Variants in CAMTA1 observed in about 807,000 individuals in gnomAD.
CAMTA1 encodes the protein calmodulin binding transcription activator 1, also known as calmodulin-binding transcription activator 1.
A neutral mutation model predicts 170.9 loss-of-function variants in CAMTA1; 27 were observed. The ratio of observed to expected loss-of-function variants is 0.16; its 90% CI spans 0.12 to 0.22. The LOEUF (loss-of-function observed/expected upper bound fraction) is 0.22, where lower values mean the gene tolerates loss of function less well. Ranked by LOEUF, CAMTA1 falls within the 10% of genes least tolerant of loss-of-function variation. The pLI, the probability that CAMTA1 is intolerant of heterozygous loss-of-function variation, is 1.00. For synonymous variants in CAMTA1, 833 were observed against 891.5 expected (o/e 0.93, Z 1.17); for missense variants, 1,619 against 2,217.2 (o/e 0.73, Z 5.42).
chr1:7,600,418 C>T (rs2095431015), intron 6 of CAMTA1, among the ~76,000 whole-genome samples: 1 of 151,812 alleles, frequency 6.6e-6, no homozygotes, highest in African/African-American at 2.4e-5. Context: ...TGTTGTGTCT[C>T]TGCCAGGCTT....
intron 3 of CAMTA1, among the ~76,000 whole-genome samples, chr1:7,003,292 G>A (rs79287050): frequency 0.017 from 2,589 of 152,326 alleles, 35 homozygotes; most frequent in African/African-American, 0.036. Context: ...GCAGTTTCTG[G>A]GTGTGCCTTC....
intron 5 of CAMTA1, among the ~76,000 whole-genome samples, chr1:7,398,187 CTCTCTCTATATATA>C (rs1304228376): frequency 4.7e-4 from 18 of 38,220 alleles, no homozygotes; most frequent in Admixed American, 1.5e-3. Flanking sequence ...CTCTCTCTCT[CTCTCTCTATATATA>C]TATATATATA....
intron 4 of CAMTA1, among the ~76,000 whole-genome samples, chr1:7,220,206 G>T (rs1485923359): frequency 6.6e-6 from 1 of 152,208 alleles, no homozygotes; most frequent in African/African-American, 2.4e-5. Flanking sequence ...ACTCATTGCA[G>T]GGGGTCAAGA....
intron 3 of CAMTA1, among the ~76,000 whole-genome samples, chr1:6,894,723 G>A (rs1295832622): frequency 6.6e-6 from 1 of 152,212 alleles, no homozygotes; most frequent in African/African-American, 2.4e-5. Flanking sequence ...TGAATAAAGT[G>A]AAAACATCAC....
intron 6 of CAMTA1, among the ~76,000 whole-genome samples, chr1:7,586,058 G>T (rs540293624): frequency 4.6e-4 from 70 of 152,178 alleles, no homozygotes; most frequent in African/African-American, 1.5e-3. Context: ...AACAGACAAG[G>T]TGGTGAGAAC....
intron 3 of CAMTA1, among the ~76,000 whole-genome samples, chr1:7,077,914 T>C (rs1039178549): frequency 2.0e-5 from 3 of 152,138 alleles, no homozygotes; most frequent in African/African-American, 4.8e-5. Flanking sequence ...TATTGGTTAA[T>C]GTTCTAAAGC....
intron 6 of CAMTA1, among the ~76,000 whole-genome samples, chr1:7,501,374 G>A (rs1267752852): frequency 6.6e-6 from 1 of 152,162 alleles, no homozygotes; most frequent in African/African-American, 2.4e-5. Context: ...GACCAGATGT[G>A]CCCTCACAGC....
At chr1:6,834,028 A>G (rs1651723168) in intron 3 of CAMTA1, among the ~76,000 whole-genome samples, 1 of 152,090 alleles carries the variant, frequency 6.6e-6, no homozygotes, top group Non-Finnish European at 1.5e-5. Flanking sequence ...CTTGGGTCTT[A>G]GGTGATGGCG....
chr1:7,188,330 AC>A (rs1434003628), intron 4 of CAMTA1, among the ~76,000 whole-genome samples: 1 of 152,220 alleles, frequency 6.6e-6, no homozygotes, highest in African/African-American at 2.4e-5. Context: ...CATAACATTT[AC>A]CACTTTAACC....
At chr1:7,597,747 A>G (rs1435997253) in intron 6 of CAMTA1, among the ~76,000 whole-genome samples, 4 of 152,114 alleles carry the variant, frequency 2.6e-5, no homozygotes, top group Admixed American at 2.6e-4. Context: ...AAGACCTTCA[A>G]TGATTGATTG....
chr1:6,863,472 C>A (rs1665502741), intron 3 of CAMTA1, among the ~76,000 whole-genome samples: 1 of 152,206 alleles, frequency 6.6e-6, no homozygotes, highest in Admixed American at 6.5e-5. Flanking sequence ...CACTCCAGAG[C>A]TGCCTCCTTG....
At chr1:7,538,593 T>C (rs374245022) in intron 6 of CAMTA1, among the ~76,000 whole-genome samples, 4 of 152,334 alleles carry the variant, frequency 2.6e-5, no homozygotes, top group African/African-American at 9.6e-5. Context: ...GAGGCGGCAG[T>C]GAGCCATGAT....
At chr1:7,745,792 G>A in intron 17 of CAMTA1, 53 bp from the exon 18 acceptor site, 2 of 1,606,718 alleles carry the variant, frequency 1.2e-6, no homozygotes, top group Non-Finnish European at 1.7e-6. Context: ...ATATCTAATG[G>A]GTGGTGCAAA....
chr1:7,473,412 C>A (rs114040936), intron 6 of CAMTA1, among the ~76,000 whole-genome samples: 1,633 of 152,284 alleles, frequency 0.011, 31 homozygotes, highest in African/African-American at 0.037. Flanking sequence ...TCGGGGCTCC[C>A]CCAAGGAGGA....
intron 5 of CAMTA1, among the ~76,000 whole-genome samples, chr1:7,326,934 C>T (rs553183694): frequency 1.3e-5 from 2 of 152,144 alleles, no homozygotes; most frequent in East Asian, 3.9e-4. Flanking sequence ...GGAAGGACCC[C>T]TCAGGAGAAG....
chr1:7,522,562 C>G (rs1238187286), intron 6 of CAMTA1, among the ~76,000 whole-genome samples: 1 of 152,166 alleles, frequency 6.6e-6, no homozygotes, highest in Admixed American at 6.5e-5. Flanking sequence ...TTGCCCAGTC[C>G]TAGATCCCAA....
At chr1:7,343,882 C>T (rs1035455469) in intron 5 of CAMTA1, among the ~76,000 whole-genome samples, 2 of 152,212 alleles carry the variant, frequency 1.3e-5, no homozygotes, top group Admixed American at 6.5e-5. Context: ...TAGAGTTCAT[C>T]AATTTTCGCA....
rs1327510997 is a variant in CAMTA1 at position 7,299,767 on chromosome 1, G to A, written c.438+50141G>A. On this transcript the variant is annotated intron_variant, in intron 5 of 22. Coordinates refer to ENST00000303635, the MANE Select transcript of CAMTA1 (RefSeq NM_015215.4). This position sits in a 1 kb window ranked among gnomAD's most constrained non-coding sequence, Gnocchi z 4.7. ...ACCCCTCACTGAGACAGGATTTCTAGCCCCTCTCTTTGGTTTGTGTCATTT... is the reference window on the plus strand; with the variant it reads ...ACCCCTCACTGAGACAGGATTTCTAACCCCTCTCTTTGGTTTGTGTCATTT... Among the ~76,000 whole-genome samples, 1 of 152,162 alleles carries A rather than the reference G, an allele frequency of 6.6e-6. No homozygotes were observed. Among genetic ancestry groups the A allele is most frequent in the Non-Finnish European group, 1.5e-5 (1 of 68,026 alleles).
chr1:7,045,418 G>T (rs1451387265), intron 3 of CAMTA1, among the ~76,000 whole-genome samples: 1 of 152,122 alleles, frequency 6.6e-6, no homozygotes, highest in African/African-American at 2.4e-5. Context: ...CAAACAGCTG[G>T]TCACCATCCG....
Sources: allele counts gnomAD v4.1 joint callset (sites outside exome capture counted in the v4.1 genomes callset), GRCh38; gene constraint gnomAD v4.1.1; non-coding constraint Gnocchi (gnomAD v3.1); transcripts MANE v1.5; gene names NCBI Gene and HGNC (gene_info 2026-07-23, HGNC 2026-07-21).